Variants in MRM2 observed in about 807,000 individuals in gnomAD.
The protein encoded by MRM2 is mitochondrial rRNA methyltransferase 2, also known as rRNA methyltransferase 2, mitochondrial.
MRM2 carries 15 observed loss-of-function variants against 10.9 expected under a neutral mutation model. The observed-to-expected ratio is 1.37, with a 90% confidence interval of 0.92 to 2.11. The LOEUF (loss-of-function observed/expected upper bound fraction) is 2.11, where lower values mean the gene tolerates loss of function less well. Ranked by LOEUF, MRM2 falls within the 30% of genes most tolerant of loss-of-function variation. The probability of loss-of-function intolerance (pLI) is 0.00; values close to 1 mark genes in which losing one functional copy is unlikely to be tolerated. For missense variants in MRM2, 328 were observed against 321.3 expected (o/e 1.02, Z -0.16); for synonymous variants, 139 against 128.7 (o/e 1.08, Z -0.54).
intron 2 of MRM2, among the ~76,000 whole-genome samples, chr7:2,236,864 G>T (rs1215411102): frequency 6.6e-6 from 1 of 152,170 alleles, no homozygotes; most frequent in East Asian, 1.9e-4. Flanking sequence ...GGCTTGTGAA[G>T]AGGGGGCTTT....
chr7:2,236,759 T>C (rs760639686), intron 2 of MRM2, among the ~76,000 whole-genome samples: 57 of 152,308 alleles, frequency 3.7e-4, no homozygotes, highest in Admixed American at 8.5e-4. Flanking sequence ...CAAGAAAATC[T>C]GTGACTGTAC....
chr7:2,235,597 T>A, intron 2 of MRM2, 33 bp from the exon 3 acceptor site: 1 of 1,428,782 alleles, frequency 7.0e-7, no homozygotes, highest in Non-Finnish European at 9.7e-7. Flanking sequence ...GTTATTTATT[T>A]ACACCCTGAA....
chr7:2,241,139 C>T (rs980429793), intron 1 of MRM2, among the ~76,000 whole-genome samples: 2 of 151,928 alleles, frequency 1.3e-5, no homozygotes, highest in Admixed American at 1.3e-4. Flanking sequence ...GTAGCTGAGA[C>T]TACAGGTGTG....
intron 1 of MRM2, among the ~76,000 whole-genome samples, chr7:2,239,988 G>GGATC (rs1442646792): frequency 6.6e-6 from 1 of 152,204 alleles, no homozygotes; most frequent in Admixed American, 6.5e-5. Context: ...CAAGACAGGT[G>GGATC]GATCCCCTGA....
chr7:2,239,252 T>C (rs1166640740), intron 2 of MRM2, 166 bp downstream of exon 2: 10 of 825,270 alleles, frequency 1.2e-5, no homozygotes, highest in Admixed American at 8.5e-5. Context: ...ATTTTGAAAA[T>C]GGCAGCATCC....
chr7:2,242,043 G>A, intron 1 of MRM2, 119 bp downstream of exon 1: 1 of 1,138,902 alleles, frequency 8.8e-7, no homozygotes, highest in African/African-American at 1.6e-5. Flanking sequence ...CGCTCGCTGA[G>A]TGCGGGGACG....
chr7:2,240,092 G>C (rs1396434354), intron 1 of MRM2, among the ~76,000 whole-genome samples: 1 of 152,122 alleles, frequency 6.6e-6, no homozygotes, highest in Non-Finnish European at 1.5e-5. Context: ...CGTGGTGGCA[G>C]ATGCCTATAA....
In MRM2 at chr7:2,242,104, C is replaced by T. The variant is rs182937394; in HGVS notation, c.8+58G>A. 1,560 of 1,562,856 alleles carry T rather than the reference C, an allele frequency of 1.0e-3. 36 individuals are homozygous for T. In the South Asian group the frequency reaches 0.016, roughly 16 times the overall value. On this transcript the variant is annotated intron_variant, in intron 1 of 2. Coordinates refer to ENST00000242257, the MANE Select transcript of MRM2 (RefSeq NM_013393.3). ...CGAGGCCAGGACCGAGGAAGGCGAC[C>T]GGGCGGACCCCCAACCACTCCCGCT...
At position 2,239,513 on chromosome 7, in the gene MRM2, T is replaced by C; in HGVS notation, c.203A>G (p.Gln68Arg). 3 of 1,614,004 alleles carry C rather than the reference T, an allele frequency of 1.9e-6. No homozygotes were observed. Among genetic ancestry groups the C allele is most frequent in the Non-Finnish European group, 2.5e-6 (3 of 1,180,008 alleles). Residue 68 changes from glutamine to arginine, a missense_variant, in exon 2 of 3, where the codon CAG becomes CGG. Gln to Arg is a conservative substitution (Grantham distance 43, BLOSUM62 1). Transcript: ENST00000242257. ...FKLLEVNERH[Q>R]ILRPGLRVLD... ...CACCCGAAGGCCGGGCCGCAGAATC[T>C]GGTGCCTCTCGTTCACCTCCAGGAG...
intron 2 of MRM2, chr7:2,239,167 G>A (rs896017951): frequency 1.3e-5 from 10 of 779,484 alleles, no homozygotes; most frequent in Admixed American, 1.7e-5. Context: ...ACACCACCAT[G>A]CTGGTGCTGG....
At chr7:2,236,938 CTT>C (rs1248103909) in intron 2 of MRM2, among the ~76,000 whole-genome samples, 2 of 152,142 alleles carry the variant, frequency 1.3e-5, no homozygotes, top group Non-Finnish European at 2.9e-5. Context: ...GGCAACAAGT[CTT>C]GTTTTACGTA....
chr7:2,240,726 G>A (rs905096636), intron 1 of MRM2, among the ~76,000 whole-genome samples: 23 of 148,790 alleles, frequency 1.5e-4, no homozygotes, highest in Non-Finnish European at 2.8e-4. Context: ...TTTTTAAGAC[G>A]GAGTCTCACT....
At position 2,234,417 on chromosome 7, in the gene MRM2, C is replaced by T. The variant is rs993694784; in HGVS notation, c.*705G>A. 6.6e-6 allele frequency: 1 copy of T among 152,224 alleles called. No homozygotes were observed. Among genetic ancestry groups the T allele is most frequent in the Non-Finnish European group, 1.5e-5 (1 of 68,068 alleles). 9.4% of individuals were successfully genotyped at this position (152,224 alleles called of 1,614,324 possible). A position where few individuals can be genotyped will look rare whatever the true frequency, so the allele number is the denominator to read the frequency against. ...ACGTCTTCCCTAATTGTTCCGGGAACTTTTGCTGCTTGAAGAATGCGTGAA... is the reference window on the plus strand; with the variant it reads ...ACGTCTTCCCTAATTGTTCCGGGAATTTTTGCTGCTTGAAGAATGCGTGAA... On this transcript the variant is annotated 3_prime_UTR_variant, in exon 3 of 3. Transcript: ENST00000242257.
chr7:2,241,760 T>C (rs1794546743), intron 1 of MRM2, among the ~76,000 whole-genome samples: 1 of 152,046 alleles, frequency 6.6e-6, no homozygotes. Flanking sequence ...GCTTAAGGGG[T>C]CTCCCGGGAA....
At position 2,239,702 on chromosome 7, in the gene MRM2, A is replaced by G; in HGVS notation, c.14T>C (p.Leu5Ser). 2 of 1,610,770 alleles carry G rather than the reference A, an allele frequency of 1.2e-6. No individual in the cohort carries two copies. Among genetic ancestry groups the G allele is most frequent in the Non-Finnish European group, 1.7e-6 (2 of 1,177,378 alleles). The change falls in exon 2 of 3, where the codon TTG becomes TCG. Residue 5 changes from leucine (L) to serine (S), a missense_variant. Leu to Ser is a moderately radical substitution (Grantham distance 145). Coordinates refer to ENST00000242257, the MANE Select transcript of MRM2 (RefSeq NM_013393.3). Reference protein sequence around the residue: MAGYLKLVCVSFQRQ... With the variant: MAGYSKLVCVSFQRQ... Reference sequence around the variant, plus strand: ...CTGAAAGGAAACACACACCAGCTTCAAGTACCTGGTGGGAGAGAAGAGGAG... The same window carrying G: ...CTGAAAGGAAACACACACCAGCTTCGAGTACCTGGTGGGAGAGAAGAGGAG...
At chr7:2,237,842 G>A (rs892868765) in intron 2 of MRM2, among the ~76,000 whole-genome samples, 3 of 140,914 alleles carry the variant, frequency 2.1e-5, no homozygotes. Flanking sequence ...AGTGAGCCGA[G>A]ATGGCGCCAT....
Position 2,239,436 on chromosome 7 carries a change from CCTT to C in MRM2, c.277_279del (p.Lys93del). The C allele has an allele frequency of 1.2e-6, 2 of 1,610,246 alleles. No individual in the cohort carries two copies. On this transcript the variant is annotated inframe_deletion, in exon 2 of 3. Coordinates refer to ENST00000242257, the MANE Select transcript of MRM2 (RefSeq NM_013393.3). ...GGCCCACCTGTGCCTGCGGCGTTGA[CCTT>C]CTGCACCGCCACCTGACTCCAGGCC...
At position 2,234,395 on chromosome 7, in the gene MRM2, T is replaced by G. The variant is rs1290204759; in HGVS notation, c.*727A>C. 1 of 152,232 alleles carries G rather than the reference T, an allele frequency of 6.6e-6. No homozygotes were observed. The highest frequency in any genetic ancestry group is 1.5e-5 in the Non-Finnish European group (1 of 68,066). The allele number at this position is 152,232 out of a possible 1,614,324, so 9.4% of individuals were successfully genotyped here. ...TGCCTGGATAAATTCAGACCATACG[T>G]CTTCCCTAATTGTTCCGGGAACTTT... On this transcript the variant is annotated 3_prime_UTR_variant, in exon 3 of 3. Coordinates refer to ENST00000242257, the MANE Select transcript of MRM2 (RefSeq NM_013393.3).
chr7:2,236,995 C>CT (rs1794430420), intron 2 of MRM2, among the ~76,000 whole-genome samples: 3 of 152,000 alleles, frequency 2.0e-5, no homozygotes, highest in Admixed American at 6.5e-5. Flanking sequence ...ACTGGTGTTA[C>CT]TCAAATATCA....
Sources: gnomAD v4.1 joint callset for allele counts (sites outside exome capture counted in the v4.1 genomes callset) on GRCh38, gnomAD v4.1.1 for gene constraint, MANE v1.5 for transcripts, NCBI Gene and HGNC (gene_info 2026-07-23, HGNC 2026-07-21) for gene names.